Variants in LPXN observed in about 807,000 individuals in gnomAD.
LPXN encodes leupaxin.
In LPXN, 28 loss-of-function variants were observed where a neutral mutation model predicts 45.6. The ratio of observed to expected loss-of-function variants is 0.61; its 90% CI spans 0.45 to 0.84. The LOEUF (loss-of-function observed/expected upper bound fraction) is 0.84, where lower values mean the gene tolerates loss of function less well. Ranked by LOEUF, LPXN falls within the 40% of genes least tolerant of loss-of-function variation. LPXN has a pLI of 0.00. For synonymous variants in LPXN, 166 were observed against 169.9 expected (o/e 0.98, Z 0.18); for missense variants, 459 against 475.0 (o/e 0.97, Z 0.31).
intron 7 of LPXN, among the ~76,000 whole-genome samples, chr11:58,529,317 A>G (rs963348861): frequency 6.6e-6 from 1 of 152,180 alleles, no homozygotes; most frequent in African/African-American, 2.4e-5. Flanking sequence ...ATAATTAAAA[A>G]GTGAAAAAAT....
At chr11:58,531,494 G>A (rs1175458367) in intron 7 of LPXN, among the ~76,000 whole-genome samples, 4 of 151,780 alleles carry the variant, frequency 2.6e-5, no homozygotes, top group Non-Finnish European at 5.9e-5. Flanking sequence ...AAAGCAAGAG[G>A]ACAAGATTAG....
intron 7 of LPXN, among the ~76,000 whole-genome samples, chr11:58,549,400 C>T (rs758397513): frequency 4.6e-5 from 7 of 151,524 alleles, no homozygotes; most frequent in Non-Finnish European, 8.8e-5. Flanking sequence ...AGTGAGACTC[C>T]GTCTCAAAAA....
chr11:58,552,629 T>C (rs1854084492), intron 4 of LPXN, among the ~76,000 whole-genome samples: 1 of 152,224 alleles, frequency 6.6e-6, no homozygotes. Context: ...GACCTCTACT[T>C]ATCCTACTTT....
At chr11:58,528,599 T>C (rs976190671) in intron 7 of LPXN, among the ~76,000 whole-genome samples, 3 of 152,204 alleles carry the variant, frequency 2.0e-5, no homozygotes, top group African/African-American at 7.2e-5. Context: ...GCATTTACCT[T>C]TATTTAAAAT....
chr11:58,542,772 TA>T (rs1320141787), intron 7 of LPXN, among the ~76,000 whole-genome samples: 1 of 152,036 alleles, frequency 6.6e-6, no homozygotes, highest in Non-Finnish European at 1.5e-5. Context: ...TGCTTAAGTA[TA>T]AAAAAAGAAT....
chr11:58,565,236 A>G (rs1854493428), intron 2 of LPXN, among the ~76,000 whole-genome samples: 1 of 152,060 alleles, frequency 6.6e-6, no homozygotes, highest in African/African-American at 2.4e-5. Context: ...TATCATTTTT[A>G]AAATATGTGT....
chr11:58,535,926 T>A lies in LPXN; in HGVS notation c.743-7735A>T, dbSNP rs372498808. On this transcript the variant is annotated intron_variant, in intron 7 of 8. Coordinates refer to ENST00000395074, the MANE Select transcript of LPXN (RefSeq NM_004811.3). ...CTCATTCACAATTGCTATACAGAATTAAATACCTTGGAATACAACTTACAA... is the reference window on the plus strand; with the variant it reads ...CTCATTCACAATTGCTATACAGAATAAAATACCTTGGAATACAACTTACAA... Among the ~76,000 whole-genome samples the A allele has an allele frequency of 9.2e-5, 14 of 152,240 alleles. No homozygotes were observed. The East Asian group carries it at 2.7e-3, about 29-fold the overall frequency.
At position 58,565,429 on chromosome 11, in the gene LPXN, A is replaced by C. The variant is rs542688732; in HGVS notation, c.172-1228T>G. On this transcript the variant is annotated intron_variant, in intron 2 of 8. Transcript: ENST00000395074. ...GTGCCTGTAATCCCAGCTACTCAGGAGGCTGAGGCTTGGAGAATTGCTTGA... is the reference window on the plus strand; with the variant it reads ...GTGCCTGTAATCCCAGCTACTCAGGCGGCTGAGGCTTGGAGAATTGCTTGA... Among the ~76,000 whole-genome samples, 8 of 151,916 alleles carry C rather than the reference A, an allele frequency of 5.3e-5. No homozygotes were observed. The East Asian group carries it at 1.6e-3, about 30-fold the overall frequency.
intron 7 of LPXN, among the ~76,000 whole-genome samples, chr11:58,530,788 C>T (rs924630293): frequency 6.6e-6 from 1 of 152,170 alleles, no homozygotes; most frequent in African/African-American, 2.4e-5. Context: ...CTAACTGACA[C>T]CTCATACAGG....
At chr11:58,532,124 T>C (rs977907718) in intron 7 of LPXN, among the ~76,000 whole-genome samples, 1 of 152,234 alleles carries the variant, frequency 6.6e-6, no homozygotes, top group African/African-American at 2.4e-5. Context: ...CTGGGTCCCC[T>C]AGCACTGCTG....
intron 7 of LPXN, among the ~76,000 whole-genome samples, chr11:58,536,900 T>G (rs550696591): frequency 6.7e-6 from 1 of 149,822 alleles, no homozygotes; most frequent in Non-Finnish European, 1.5e-5. Context: ...AATAAACATA[T>G]GAAAAAAAAA....
chr11:58,577,754 G>C (rs998040072), upstream of LPXN, among the ~76,000 whole-genome samples: 4 of 151,986 alleles, frequency 2.6e-5, no homozygotes, highest in African/African-American at 4.8e-5. Context: ...TCAGCTTCTC[G>C]GTGTAGGTCA....
At chr11:58,575,181 T>C (rs1854844071) in intron 1 of LPXN, among the ~76,000 whole-genome samples, 1 of 152,212 alleles carries the variant, frequency 6.6e-6, no homozygotes, top group South Asian at 2.1e-4. Context: ...AGTAATCTCT[T>C]CCTTCAGAAT....
intron 3 of LPXN, among the ~76,000 whole-genome samples, chr11:58,560,134 T>TAAAAC (rs1854329638): frequency 1.3e-5 from 2 of 152,280 alleles, no homozygotes; most frequent in African/African-American, 4.8e-5. Flanking sequence ...GTTATATTTT[T>TAAAAC]AAAACAAAAC....
intron 1 of LPXN, among the ~76,000 whole-genome samples, chr11:58,572,023 A>C (rs1163094069): frequency 6.6e-6 from 1 of 152,174 alleles, no homozygotes; most frequent in East Asian, 1.9e-4. Context: ...CCTCATCTAC[A>C]TAACAAGGCA....
intron 2 of LPXN, among the ~76,000 whole-genome samples, chr11:58,565,533 C>CAA (rs35101887): frequency 7.9e-6 from 1 of 125,990 alleles, no homozygotes. Flanking sequence ...GACTCGGTCT[C>CAA]AAAAAAAAAA....
At chr11:58,550,695 GCA>G (rs1854023392) in intron 5 of LPXN, among the ~76,000 whole-genome samples, 1 of 152,210 alleles carries the variant, frequency 6.6e-6, no homozygotes, top group Admixed American at 6.5e-5. Flanking sequence ...AACAAAGGGA[GCA>G]GTGAGAAAGG....
At chr11:58,539,170 C>G (rs1056018392) in intron 7 of LPXN, among the ~76,000 whole-genome samples, 2 of 151,996 alleles carry the variant, frequency 1.3e-5, no homozygotes, top group East Asian at 3.9e-4. Flanking sequence ...ATTAGCCAGA[C>G]CTGGTGGTAC....
At chr11:58,550,978 T>C (rs1053298572) in intron 5 of LPXN, 87 bp downstream of exon 5, 2 of 1,280,934 alleles carry the variant, frequency 1.6e-6, no homozygotes, top group East Asian at 2.7e-5. Flanking sequence ...AACTAAAATA[T>C]CTTAAAATAT....
Sources: gnomAD v4.1 joint callset for allele counts (sites outside exome capture counted in the v4.1 genomes callset) on GRCh38, gnomAD v4.1.1 for gene constraint, MANE v1.5 for transcripts, NCBI Gene and HGNC (gene_info 2026-07-23, HGNC 2026-07-21) for gene names.